SKAP1: variants seen among roughly 807,000 people sequenced by gnomAD.
SKAP1 encodes src kinase associated phosphoprotein 1, also known as src kinase-associated phosphoprotein 1.
Under a neutral mutation model 58.5 loss-of-function variants are expected in SKAP1, and 44 were observed. That is an observed-to-expected ratio of 0.75 (90% CI 0.59 to 0.97). The LOEUF (loss-of-function observed/expected upper bound fraction) is 0.97. SKAP1 is among the 50% of genes least tolerant of loss of function. The pLI, the probability that SKAP1 is intolerant of heterozygous loss-of-function variation, is 0.00. For synonymous variants in SKAP1, 127 were observed against 149.7 expected (o/e 0.85, Z 1.11); for missense variants, 390 against 435.2 (o/e 0.90, Z 0.92).
intron 4 of SKAP1, among the ~76,000 whole-genome samples, chr17:48,299,652 C>T (rs1235828305): frequency 6.6e-6 from 1 of 152,142 alleles, no homozygotes; most frequent in Non-Finnish European, 1.5e-5. Flanking sequence ...TATTGAATGT[C>T]TAATATGTGC....
chr17:48,135,124 A>G (rs967078038), intron 12 of SKAP1, among the ~76,000 whole-genome samples: 15 of 152,190 alleles, frequency 9.9e-5, no homozygotes, highest in African/African-American at 3.4e-4. Context: ...CTGGTGTTGT[A>G]TGGTTGTACA....
At chr17:48,221,910 G>T (rs1299975123) in intron 4 of SKAP1, among the ~76,000 whole-genome samples, 2 of 152,114 alleles carry the variant, frequency 1.3e-5, no homozygotes, top group African/African-American at 2.4e-5. Context: ...CTGTCTAGAC[G>T]TCTCTGTTGC....
chr17:48,402,337 T>TTC (rs1438879739), intron 1 of SKAP1, among the ~76,000 whole-genome samples: 2 of 151,960 alleles, frequency 1.3e-5, no homozygotes, highest in African/African-American at 2.4e-5. Context: ...AGCAGCATTT[T>TTC]TTTTTTTTTT....
At chr17:48,220,852 C>CAAAAAAAAAAAAAAAAAA (rs56006389) in intron 4 of SKAP1, among the ~76,000 whole-genome samples, 2 of 83,660 alleles carry the variant, frequency 2.4e-5, no homozygotes, top group South Asian at 3.8e-4. Context: ...GACTCCATCT[C>CAAAAAAAAAAAAAAAAAA]AAAAAAAAAA....
At chr17:48,406,026 G>C (rs1364591450) in intron 1 of SKAP1, among the ~76,000 whole-genome samples, 3 of 151,996 alleles carry the variant, frequency 2.0e-5, no homozygotes, top group African/African-American at 7.2e-5. Flanking sequence ...CAGCACTTTG[G>C]GAGGCCAAGG....
chr17:48,441,904 C>T, the SKAP1 span, among the ~76,000 whole-genome samples: 7 of 152,162 alleles, frequency 4.6e-5, no homozygotes, highest in African/African-American at 1.4e-4. Flanking sequence ...TGCCAGAACT[C>T]CATGATCTCG....
intron 4 of SKAP1, among the ~76,000 whole-genome samples, chr17:48,289,375 T>C (rs921222140): frequency 3.3e-5 from 5 of 152,056 alleles, no homozygotes; most frequent in Non-Finnish European, 5.9e-5. Context: ...ATCTTGGAAA[T>C]AAAAGAAGGG....
chr17:48,285,614 G>GAAA (rs11356632), intron 4 of SKAP1, among the ~76,000 whole-genome samples: 2 of 128,628 alleles, frequency 1.6e-5, no homozygotes, highest in African/African-American at 2.9e-5. Context: ...GACTCCATCT[G>GAAA]AAAAAAAAAA....
chr17:48,262,719 A>G (rs1052954752), intron 4 of SKAP1, among the ~76,000 whole-genome samples: 3 of 152,224 alleles, frequency 2.0e-5, no homozygotes, highest in Non-Finnish European at 2.9e-5. Context: ...TAAGAGTGGT[A>G]AATCCCTCAG....
intron 11 of SKAP1, among the ~76,000 whole-genome samples, chr17:48,157,240 T>C (rs2143221571): frequency 4.6e-4 from 1 of 2,154 alleles, no homozygotes; most frequent in South Asian, 0.017. Flanking sequence ...GGGAGCATCT[T>C]TTTTTTTTTT....
intron 4 of SKAP1, among the ~76,000 whole-genome samples, chr17:48,224,010 C>CAGAGAGAG (rs10633331): frequency 1.3e-4 from 12 of 93,670 alleles, no homozygotes; most frequent in Non-Finnish European, 1.5e-4. Context: ...AGATGGGAGA[C>CAGAGAGAG]AGAGAGAGAG....
At chr17:48,367,447 T>C (rs913509884) in intron 2 of SKAP1, among the ~76,000 whole-genome samples, 4 of 150,988 alleles carry the variant, frequency 2.6e-5, no homozygotes, top group African/African-American at 9.7e-5. Flanking sequence ...AAGGTAACCA[T>C]GTAAGCCATG....
intron 10 of SKAP1, among the ~76,000 whole-genome samples, chr17:48,170,140 G>A (rs1161996273): frequency 2.0e-5 from 3 of 152,188 alleles, no homozygotes; most frequent in Non-Finnish European, 2.9e-5. Context: ...CAGGCTATCA[G>A]AAGTCAGCAT....
At chr17:48,295,531 C>T (rs2065956341) in intron 4 of SKAP1, 1 of 151,738 alleles carries the variant, frequency 6.6e-6, no homozygotes, top group Non-Finnish European at 1.5e-5. Context: ...AATAAGCTTG[C>T]CGTTTTTCAC....
At chr17:48,156,370 T>C (rs1165671444) in intron 11 of SKAP1, 2 of 274,954 alleles carry the variant, frequency 7.3e-6, no homozygotes, top group Admixed American at 3.8e-5. Flanking sequence ...GCCGGCATCG[T>C]GGGAAGTAAT....
In SKAP1 at chr17:48,396,727, C is replaced by T. The variant is rs765094081; in HGVS notation, c.105G>A (p.Arg35=). ...LRNENLSAVA[R]DHRDHILRGF... ...CCCGTAGAATATGGTCTCTGTGATC[C>T]CTTGCAACAGCGCTGAGGTTCTCAT... is the stretch of plus-strand genomic sequence containing the variant. Residue 35 remains arginine, a synonymous_variant, in exon 2 of 13, where the codon AGG becomes AGA. Transcript: ENST00000336915. The T allele has an allele frequency of 6.2e-7, 1 of 1,613,474 alleles. No individual in the cohort carries two copies. The highest frequency in any genetic ancestry group is 8.5e-7 in the Non-Finnish European group (1 of 1,179,754).
At chr17:48,342,084 A>C (rs1437411191) in intron 4 of SKAP1, among the ~76,000 whole-genome samples, 1 of 152,224 alleles carries the variant, frequency 6.6e-6, no homozygotes, top group East Asian at 1.9e-4. Flanking sequence ...GTATATTTGG[A>C]CGCTGAAAAC....
At chr17:48,216,788 G>C (rs2064945720) in intron 4 of SKAP1, among the ~76,000 whole-genome samples, 1 of 152,048 alleles carries the variant, frequency 6.6e-6, no homozygotes, top group Non-Finnish European at 1.5e-5. Flanking sequence ...CACTGCACCT[G>C]GCCTGAATAT....
intron 4 of SKAP1, among the ~76,000 whole-genome samples, chr17:48,269,308 A>G (rs1432232512): frequency 2.7e-5 from 4 of 150,634 alleles, no homozygotes; most frequent in Admixed American, 6.6e-5. Context: ...CCACTTTGAG[A>G]AAAAAAAACA....
Sources: allele counts gnomAD v4.1 joint callset (sites outside exome capture counted in the v4.1 genomes callset), GRCh38; gene constraint gnomAD v4.1.1; transcripts MANE v1.5; gene names NCBI Gene and HGNC (gene_info 2026-07-23, HGNC 2026-07-21).